SMYD3: variants seen among roughly 807,000 people sequenced by gnomAD.
SMYD3 encodes SET and MYND domain containing 3.
In SMYD3, 36 loss-of-function variants were observed where a neutral mutation model predicts 57.7. The observed-to-expected ratio is 0.62, with a 90% confidence interval of 0.48 to 0.82. The LOEUF (loss-of-function observed/expected upper bound fraction) is 0.82. SMYD3 is among the 40% of genes least tolerant of loss of function. The probability of loss-of-function intolerance (pLI) is 0.00; values close to 1 mark genes in which losing one functional copy is unlikely to be tolerated. For missense variants in SMYD3, 515 were observed against 538.8 expected (o/e 0.96, Z 0.44); for synonymous variants, 211 against 195.0 (o/e 1.08, Z -0.68).
chr1:246,079,266 A>C (rs1400706513), intron 5 of SMYD3, among the ~76,000 whole-genome samples: 1 of 152,188 alleles, frequency 6.6e-6, no homozygotes, highest in Non-Finnish European at 1.5e-5. Flanking sequence ...ATACACGTTA[A>C]AAGAATGTCT....
chr1:245,857,760 T>C (rs1485804615), intron 10 of SMYD3, among the ~76,000 whole-genome samples: 1 of 152,140 alleles, frequency 6.6e-6, no homozygotes, highest in African/African-American at 2.4e-5. Flanking sequence ...CGTCTCACCT[T>C]CTAGAATTAT....
chr1:246,273,120 T>C (rs1572319669), intron 5 of SMYD3, among the ~76,000 whole-genome samples: 1 of 140,714 alleles, frequency 7.1e-6, no homozygotes, highest in Admixed American at 7.0e-5. Context: ...TGATTCATAA[T>C]AATGTCCCTG....
At chr1:245,912,625 C>CA (rs1270626236) in intron 8 of SMYD3, among the ~76,000 whole-genome samples, 31 of 151,718 alleles carry the variant, frequency 2.0e-4, no homozygotes, top group Admixed American at 1.7e-3. Context: ...GTTATACTAA[C>CA]AAAAAAAACA....
At chr1:245,980,185 C>A (rs1408739731) in intron 5 of SMYD3, among the ~76,000 whole-genome samples, 1 of 152,244 alleles carries the variant, frequency 6.6e-6, no homozygotes, top group Non-Finnish European at 1.5e-5. Context: ...CAGGCTGCAG[C>A]ACTGGATTTT....
At chr1:245,993,293 A>T (rs2058846067) in intron 5 of SMYD3, among the ~76,000 whole-genome samples, 1 of 152,172 alleles carries the variant, frequency 6.6e-6, no homozygotes. Context: ...GGTAGTCAGG[A>T]TTCGAACCTA....
At chr1:245,979,845 A>T (rs950848773) in intron 5 of SMYD3, among the ~76,000 whole-genome samples, 9 of 152,234 alleles carry the variant, frequency 5.9e-5, no homozygotes, top group Non-Finnish European at 1.3e-4. Context: ...GGGCAGTCAC[A>T]TTTCTGTCAA....
intron 5 of SMYD3, among the ~76,000 whole-genome samples, chr1:246,090,764 C>A (rs988028171): frequency 6.6e-6 from 1 of 152,002 alleles, no homozygotes; most frequent in African/African-American, 2.4e-5. Flanking sequence ...GATACACCCG[C>A]CCTCCGCCTC....
At chr1:246,279,056 A>T (rs2064390377) in intron 5 of SMYD3, among the ~76,000 whole-genome samples, 1 of 152,072 alleles carries the variant, frequency 6.6e-6, no homozygotes, top group African/African-American at 2.4e-5. Flanking sequence ...GTGCTACTAC[A>T]TGTGACTCAC....
chr1:246,314,872 A>G (rs2065132237), intron 5 of SMYD3, among the ~76,000 whole-genome samples: 1 of 152,232 alleles, frequency 6.6e-6, no homozygotes, highest in African/African-American at 2.4e-5. Context: ...TTCTGCCTTT[A>G]CACAGATAGG....
chr1:246,301,387 GA>G (rs57320116), intron 5 of SMYD3, among the ~76,000 whole-genome samples: 6,444 of 152,052 alleles, frequency 0.042, 469 homozygotes, highest in African/African-American at 0.15. Context: ...ATGAGTGCTG[GA>G]AAAATTCCAT....
chr1:246,428,342 G>A (rs1398261902), intron 1 of SMYD3, among the ~76,000 whole-genome samples: 3 of 151,986 alleles, frequency 2.0e-5, no homozygotes, highest in African/African-American at 7.3e-5. Context: ...TAAGAGTTAG[G>A]GTGTTTTTCA....
intron 5 of SMYD3, among the ~76,000 whole-genome samples, chr1:246,100,217 CA>C (rs376073839): frequency 6.6e-6 from 1 of 151,528 alleles, no homozygotes; most frequent in Non-Finnish European, 1.5e-5. Context: ...CGCATTAAAA[CA>C]AAAAAAAGTT....
At chr1:246,127,939 A>G (rs903759396) in intron 5 of SMYD3, among the ~76,000 whole-genome samples, 1 of 150,594 alleles carries the variant, frequency 6.6e-6, no homozygotes, top group Non-Finnish European at 1.5e-5. Context: ...CGAAAAGGAG[A>G]GGAGATTATA....
At chr1:246,437,468 T>TA (rs2067397347) in intron 1 of SMYD3, among the ~76,000 whole-genome samples, 1 of 152,198 alleles carries the variant, frequency 6.6e-6, no homozygotes, top group Non-Finnish European at 1.5e-5. Flanking sequence ...TGTCTCTTCT[T>TA]AGACGTCAAG....
At chr1:246,320,966 C>G (rs868052793) in intron 5 of SMYD3, among the ~76,000 whole-genome samples, 1 of 152,228 alleles carries the variant, frequency 6.6e-6, no homozygotes, top group Non-Finnish European at 1.5e-5. Context: ...TCAAGGGAAG[C>G]CTACTTTTAC....
At chr1:246,482,667 G>A (rs1030016699) in intron 1 of SMYD3, among the ~76,000 whole-genome samples, 6 of 152,190 alleles carry the variant, frequency 3.9e-5, no homozygotes, top group Admixed American at 1.3e-4. Context: ...TTCTAAAGAA[G>A]GGCCAGCCCC....
At position 246,041,719 on chromosome 1, in the gene SMYD3, T is replaced by C. The variant is rs61199078; in HGVS notation, c.532-111782A>G. Among the ~76,000 whole-genome samples, 1,514 of 152,192 alleles carry C rather than the reference T, an allele frequency of 9.9e-3. 23 individuals carry two copies. Among genetic ancestry groups the C allele is most frequent in the African/African-American group, 0.034 (1,420 of 41,538 alleles). On this transcript the variant is annotated intron_variant, in intron 5 of 11. Transcript: ENST00000490107. ...GGTATATCAGAAAAATCATGACTTC[T>C]GGTTCTGGAAGAGAATTGGAGGGGG...
At chr1:246,131,658 A>T (rs2061590292) in intron 5 of SMYD3, among the ~76,000 whole-genome samples, 1 of 152,196 alleles carries the variant, frequency 6.6e-6, no homozygotes, top group South Asian at 2.1e-4. Context: ...CTATTGAAAT[A>T]TTCCCCTCCT....
At chr1:246,097,422 G>C (rs780406305) in intron 5 of SMYD3, among the ~76,000 whole-genome samples, 1 of 152,110 alleles carries the variant, frequency 6.6e-6, no homozygotes, top group African/African-American at 2.4e-5. Context: ...CCAGGAGAGA[G>C]AGCCTACCCA....
Sources: allele counts gnomAD v4.1 joint callset (sites outside exome capture counted in the v4.1 genomes callset), GRCh38; gene constraint gnomAD v4.1.1; transcripts MANE v1.5; gene names NCBI Gene and HGNC (gene_info 2026-07-23, HGNC 2026-07-21).